The following OTULIN variants were observed in gnomAD, a reference collection of about 807,000 sequenced individuals.
The protein encoded by OTULIN is ubiquitin thioesterase otulin.
Under a neutral mutation model 39.6 loss-of-function variants are expected in OTULIN, and 15 were observed. The observed-to-expected ratio is 0.38, with a 90% CI of 0.25 to 0.58. The LOEUF is 0.58. OTULIN is among the 20% of genes least tolerant of loss of function. OTULIN has a pLI of 0.66. For missense variants in OTULIN, 319 were observed against 445.9 expected (o/e 0.72, Z 2.56); for synonymous variants, 156 against 170.3 (o/e 0.92, Z 0.65).
intron 4 of OTULIN, among the ~76,000 whole-genome samples, chr5:14,685,786 C>G (rs1176325203): frequency 7.0e-6 from 1 of 143,104 alleles, no homozygotes; most frequent in Non-Finnish European, 1.6e-5. Context: ...CACCTCATTT[C>G]CCAGCTCACA....
chr5:14,701,333 G>T (rs1363513399), downstream of OTULIN, among the ~76,000 whole-genome samples: 1 of 152,182 alleles, frequency 6.6e-6, no homozygotes, highest in Non-Finnish European at 1.5e-5. Context: ...GGCCTTGTGG[G>T]GCAGGCCTTA....
chr5:14,669,936 A>G (rs1735940822), intron 1 of OTULIN, among the ~76,000 whole-genome samples: 2 of 152,206 alleles, frequency 1.3e-5, no homozygotes, highest in South Asian at 2.1e-4. Flanking sequence ...AACACCTAAT[A>G]TCCTTCTAGC....
At chr5:14,679,029 A>G (rs1340426171) in intron 3 of OTULIN, among the ~76,000 whole-genome samples, 1 of 152,234 alleles carries the variant, frequency 6.6e-6, no homozygotes, top group Admixed American at 6.5e-5. Flanking sequence ...ACTGCTGTTC[A>G]GAGTTGGGCC....
the OTULIN span, chr5:14,711,047 A>C: frequency 2.7e-6 from 2 of 745,144 alleles, no homozygotes; most frequent in South Asian, 1.4e-5. Flanking sequence ...AGTATGCTAG[A>C]GAATTGACAC....
chr5:14,704,175 C>A (rs918142536), downstream of OTULIN, among the ~76,000 whole-genome samples: 6 of 151,448 alleles, frequency 4.0e-5, no homozygotes, highest in Non-Finnish European at 7.4e-5. Context: ...ACTAAACATA[C>A]AAAAATTAGC....
At chr5:14,687,395 T>A in intron 4 of OTULIN, 126 bp from the exon 5 acceptor site, 1 of 1,158,928 alleles carries the variant, frequency 8.6e-7, no homozygotes, top group Non-Finnish European at 1.2e-6. Flanking sequence ...CATCACAGAT[T>A]TGCAGAATTA....
chr5:14,705,209 G>A, the OTULIN span: 1 of 151,932 alleles, frequency 6.6e-6, no homozygotes, highest in Non-Finnish European at 1.5e-5. Flanking sequence ...CAGTTTTGAT[G>A]TGAAACTGAC....
chr5:14,703,473 A>G (rs1230252611), downstream of OTULIN, among the ~76,000 whole-genome samples: 2 of 152,180 alleles, frequency 1.3e-5, no homozygotes, highest in Middle Eastern at 3.4e-3. Flanking sequence ...CGTGGAAGGC[A>G]GAGATACCAG....
the OTULIN span, chr5:14,710,843 C>T: frequency 3.4e-5 from 12 of 348,000 alleles, no homozygotes; most frequent in African/African-American, 2.1e-4. Context: ...GTGACCGAGG[C>T]GCGATGGCAC....
At chr5:14,681,337 A>G (rs1736244175) in intron 3 of OTULIN, 127 bp from the exon 4 acceptor site, 2 of 993,044 alleles carry the variant, frequency 2.0e-6, no homozygotes, top group Admixed American at 5.0e-5. Flanking sequence ...TTAGAAAGGG[A>G]CATAAAACTC....
At chr5:14,680,446 T>G (rs1432310172) in intron 3 of OTULIN, among the ~76,000 whole-genome samples, 1 of 152,222 alleles carries the variant, frequency 6.6e-6, no homozygotes, top group Non-Finnish European at 1.5e-5. Context: ...CACTTCTTTC[T>G]TTCTGTGAGT....
Position 14,695,227 on chromosome 5 carries a change from G to A in OTULIN, c.*2179G>A, listed in dbSNP as rs966535441. On this transcript the variant is annotated 3_prime_UTR_variant, in exon 7 of 7. Transcript: ENST00000284274. ...GAGAAGCAAAGCTTTCAAATAAATA[G>A]TACTTCAGGAAATAGAAATGATTGA... 6.6e-6 allele frequency: 1 copy of A among 152,178 alleles called. No individual in the cohort carries two copies. Among genetic ancestry groups the A allele is most frequent in the Non-Finnish European group, 1.5e-5 (1 of 68,018 alleles). The allele number at this position is 152,178 out of a possible 1,614,324, so 9.4% of individuals were successfully genotyped here.
At chr5:14,689,450 T>C (rs2126332220) in intron 5 of OTULIN, among the ~76,000 whole-genome samples, 1 of 152,364 alleles carries the variant, frequency 6.6e-6, no homozygotes, top group Non-Finnish European at 1.5e-5. Context: ...TTTAAAGAGT[T>C]TGTCTATATT....
chr5:14,702,259 A>G (rs1736811680), downstream of OTULIN, among the ~76,000 whole-genome samples: 1 of 152,142 alleles, frequency 6.6e-6, no homozygotes, highest in Admixed American at 6.5e-5. Context: ...AGGGGTAAGG[A>G]AAGAGTGTAC....
In OTULIN at chr5:14,681,654, T is replaced by C. The variant is rs748593845; in HGVS notation, c.468+47T>C. ...GAGTCCAAAATGTTTCAAACAATTTTTGTGAGAAAACTTTCCCTTTCTGTC... is the reference window on the plus strand; with the variant it reads ...GAGTCCAAAATGTTTCAAACAATTTCTGTGAGAAAACTTTCCCTTTCTGTC... On this transcript the variant is annotated intron_variant, in intron 4 of 6. Transcript: ENST00000284274. 2.2e-5 allele frequency: 34 copies of C among 1,568,276 alleles called. No homozygotes were observed. In the African/African-American group the frequency reaches 4.1e-4, roughly 19 times the overall value.
the OTULIN span, chr5:14,713,780 C>T: frequency 6.7e-7 from 1 of 1,498,772 alleles, no homozygotes; most frequent in Non-Finnish European, 9.2e-7. The surrounding 1 kb of genome is among the most constrained non-coding windows in gnomAD (Gnocchi z 4.4). Context: ...GGACCCTGGC[C>T]TTGCTGTTGA....
chr5:14,689,615 T>G (rs943248137), intron 5 of OTULIN, among the ~76,000 whole-genome samples: 2 of 152,188 alleles, frequency 1.3e-5, no homozygotes, highest in Non-Finnish European at 2.9e-5. Flanking sequence ...CTTGCCTCTC[T>G]TCCATTTAGG....
downstream of OTULIN, among the ~76,000 whole-genome samples, chr5:14,703,411 C>A (rs1421767088): frequency 1.3e-5 from 2 of 148,338 alleles, no homozygotes; most frequent in South Asian, 4.3e-4. Context: ...AAATTCTCCA[C>A]GATTTTTCTC....
chr5:14,675,506 G>T (rs1290560575), intron 2 of OTULIN, among the ~76,000 whole-genome samples: 2 of 152,200 alleles, frequency 1.3e-5, no homozygotes. Context: ...CTACTCTGTG[G>T]TTGTTCAAAA....
Sources: gnomAD v4.1 joint callset for allele counts (sites outside exome capture counted in the v4.1 genomes callset) on GRCh38, gnomAD v4.1.1 for gene constraint, Gnocchi (gnomAD v3.1) non-coding constraint, MANE v1.5 for transcripts, NCBI Gene and HGNC (gene_info 2026-07-23, HGNC 2026-07-21) for gene names.